The following CAMKMT variants were observed in gnomAD, a reference collection of about 807,000 sequenced individuals.
CAMKMT encodes calmodulin-lysine N-methyltransferase, also known as CaM KMT.
A neutral mutation model predicts 48.0 loss-of-function variants in CAMKMT; 53 were observed. The observed-to-expected ratio is 1.10, with a 90% CI of 0.89 to 1.39. The LOEUF is 1.39. CAMKMT is among the 40% of genes most tolerant of loss of function. CAMKMT has a pLI of 0.00. For synonymous variants in CAMKMT, 165 were observed against 152.3 expected (o/e 1.08, Z -0.61); for missense variants, 428 against 402.7 (o/e 1.06, Z -0.54).
chr2:44,604,026 A>G (rs1475807863), intron 3 of CAMKMT, among the ~76,000 whole-genome samples: 2 of 152,204 alleles, frequency 1.3e-5, no homozygotes, highest in Non-Finnish European at 1.5e-5. Flanking sequence ...AGGACAGGCT[A>G]TGTTAATTAC....
intron 3 of CAMKMT, among the ~76,000 whole-genome samples, chr2:44,423,872 T>A (rs936822769): frequency 1.3e-5 from 2 of 152,242 alleles, no homozygotes; most frequent in Non-Finnish European, 2.9e-5. Context: ...TTCTGGCAGT[T>A]ATTTCCATAT....
chr2:44,373,704 C>T (rs1055026226), intron 2 of CAMKMT, among the ~76,000 whole-genome samples: 1 of 152,116 alleles, frequency 6.6e-6, no homozygotes, highest in Non-Finnish European at 1.5e-5. Flanking sequence ...GTATATGTTT[C>T]TCGAGCTATT....
chr2:44,563,398 C>A (rs573234764), intron 3 of CAMKMT, among the ~76,000 whole-genome samples: 4 of 151,694 alleles, frequency 2.6e-5, no homozygotes, highest in African/African-American at 9.6e-5. Flanking sequence ...GTAGATATTA[C>A]CATTTGTGCT....
intron 3 of CAMKMT, among the ~76,000 whole-genome samples, chr2:44,649,463 C>T (rs759970611): frequency 8.6e-5 from 13 of 151,830 alleles, no homozygotes; most frequent in Non-Finnish European, 1.9e-4. Flanking sequence ...ATGGAGCAAG[C>T]AGAAAAACAT....
intron 3 of CAMKMT, among the ~76,000 whole-genome samples, chr2:44,498,365 T>C (rs1419884585): frequency 6.6e-6 from 1 of 152,198 alleles, no homozygotes; most frequent in Non-Finnish European, 1.5e-5. Context: ...CACTGAGAAA[T>C]TAAAGTAAAA....
intron 3 of CAMKMT, among the ~76,000 whole-genome samples, chr2:44,555,725 T>C (rs1667971120): frequency 6.6e-6 from 1 of 152,140 alleles, no homozygotes; most frequent in Non-Finnish European, 1.5e-5. Context: ...GTATATAGAC[T>C]GAAACAGACT....
intron 3 of CAMKMT, among the ~76,000 whole-genome samples, chr2:44,438,120 A>G (rs1204451496): frequency 6.6e-6 from 1 of 152,204 alleles, no homozygotes; most frequent in Non-Finnish European, 1.5e-5. Context: ...CAAGAGGTTA[A>G]GTAATTTCTT....
chr2:44,561,825 A>G (rs950600313), intron 3 of CAMKMT, among the ~76,000 whole-genome samples: 2 of 152,204 alleles, frequency 1.3e-5, no homozygotes, highest in African/African-American at 2.4e-5. Context: ...ATACTGCTAA[A>G]TGAACAAGGA....
intron 3 of CAMKMT, among the ~76,000 whole-genome samples, chr2:44,639,605 A>G (rs1673334060): frequency 1.3e-5 from 2 of 152,242 alleles, no homozygotes; most frequent in African/African-American, 4.8e-5. Flanking sequence ...GGAAAGCACT[A>G]TACAAGTGTA....
intron 6 of CAMKMT, among the ~76,000 whole-genome samples, chr2:44,713,811 T>C (rs1304910376): frequency 6.6e-6 from 1 of 152,094 alleles, no homozygotes; most frequent in Non-Finnish European, 1.5e-5. Flanking sequence ...AAGCAGAGAT[T>C]TGGGTTAAAA....
chr2:44,489,239 T>G (rs977153974), intron 3 of CAMKMT, among the ~76,000 whole-genome samples: 2 of 132,788 alleles, frequency 1.5e-5, no homozygotes, highest in Non-Finnish European at 1.6e-5. Context: ...GTTCATGGAA[T>G]ACTATTTTTT....
intron 3 of CAMKMT, among the ~76,000 whole-genome samples, chr2:44,611,795 G>T (rs1671613059): frequency 6.6e-6 from 1 of 151,928 alleles, no homozygotes; most frequent in South Asian, 2.1e-4. Flanking sequence ...TCCAATCATG[G>T]TGGAAGGTGA....
chr2:44,402,762 T>C (rs1682508276), intron 3 of CAMKMT, among the ~76,000 whole-genome samples: 1 of 130,494 alleles, frequency 7.7e-6, no homozygotes. Context: ...TTTTTTTTAC[T>C]TTTTCTTTAC....
At chr2:44,403,180 A>C (rs1682548271) in intron 3 of CAMKMT, among the ~76,000 whole-genome samples, 1 of 152,180 alleles carries the variant, frequency 6.6e-6, no homozygotes, top group African/African-American at 2.4e-5. Flanking sequence ...TTTATCAGAG[A>C]AAACACTTTT....
At chr2:44,423,800 G>T (rs1684087583) in intron 3 of CAMKMT, among the ~76,000 whole-genome samples, 1 of 152,106 alleles carries the variant, frequency 6.6e-6, no homozygotes, top group Non-Finnish European at 1.5e-5. Flanking sequence ...AAAATCAACA[G>T]TCTCCTTTTC....
chr2:44,627,825 G>C (rs554315792), intron 3 of CAMKMT, among the ~76,000 whole-genome samples: 3 of 140,902 alleles, frequency 2.1e-5, no homozygotes, highest in African/African-American at 7.9e-5. Flanking sequence ...TCAGCCTCCC[G>C]AGTAGCTGGG....
intron 7 of CAMKMT, among the ~76,000 whole-genome samples, chr2:44,717,624 G>T (rs922147989): frequency 1.3e-5 from 2 of 152,074 alleles, no homozygotes; most frequent in Non-Finnish European, 2.9e-5. Flanking sequence ...CTCCAAATTG[G>T]AGATGTGGAA....
chr2:44,389,853 T>C (rs749018586), intron 2 of CAMKMT, among the ~76,000 whole-genome samples: 26 of 152,146 alleles, frequency 1.7e-4, no homozygotes, highest in Non-Finnish European at 1.5e-4. Flanking sequence ...TGTGCTGTTA[T>C]AGAGTAAATT....
At chr2:44,676,702 A>C (rs1675710825) in intron 3 of CAMKMT, 1 of 152,210 alleles carries the variant, frequency 6.6e-6, no homozygotes, top group African/African-American at 2.4e-5. Context: ...GAGAGGACGG[A>C]AGGTGTTTGG....
Sources: allele counts gnomAD v4.1 joint callset (sites outside exome capture counted in the v4.1 genomes callset), GRCh38; gene constraint gnomAD v4.1.1; transcripts MANE v1.5; gene names NCBI Gene and HGNC (gene_info 2026-07-23, HGNC 2026-07-21).